The following MRPS28 variants were observed in gnomAD, a reference collection of about 807,000 sequenced individuals.
The protein encoded by MRPS28 is mitochondrial ribosomal protein S28.
In MRPS28, 7 loss-of-function variants were observed where a neutral mutation model predicts 10.8. The ratio of observed to expected loss-of-function variants is 0.65; its 90% CI spans 0.37 to 1.22. The LOEUF (loss-of-function observed/expected upper bound fraction) is 1.22, where lower values mean the gene tolerates loss of function less well. Among genes scored for constraint, MRPS28 ranks in the 50% most tolerant of loss-of-function variants. The probability of loss-of-function intolerance (pLI) is 0.02; values close to 1 mark genes in which losing one functional copy is unlikely to be tolerated. For synonymous variants in MRPS28, 121 were observed against 93.3 expected (o/e 1.30, Z -1.71); for missense variants, 265 against 232.9 (o/e 1.14, Z -0.90).
At chr8:79,938,745 G>C (rs961760174) in intron 2 of MRPS28, among the ~76,000 whole-genome samples, 1 of 152,126 alleles carries the variant, frequency 6.6e-6, no homozygotes, top group Non-Finnish European at 1.5e-5. Context: ...CTGTCAAAAA[G>C]CTACCTTAGA....
In MRPS28 at chr8:79,966,066, T is replaced by TTC. The variant is rs1434566164; in HGVS notation, c.395+36931_395+36932dup. On this transcript the variant is annotated intron_variant, in intron 2 of 2. Coordinates refer to ENST00000276585, the MANE Select transcript of MRPS28 (RefSeq NM_014018.3). ...TTAGAATGACTAAATTGACCAAAGGTTCTCCTAAAAAGAAAGAAACATAAT... is the reference window on the plus strand; with the variant it reads ...TTAGAATGACTAAATTGACCAAAGGTTCTCTCCTAAAAAGAAAGAAACATAAT... Among the ~76,000 whole-genome samples the TTC allele has an allele frequency of 4.6e-5, 7 of 151,992 alleles. No homozygotes were observed. The East Asian group carries it at 1.3e-3, about 29-fold the overall frequency.
Position 79,947,888 on chromosome 8 carries a change from C to T in MRPS28, c.396-28740G>A, listed in dbSNP as rs547667172. 2.7e-3 allele frequency among the ~76,000 whole-genome samples: 410 copies of T among 151,502 alleles called. 7 individuals carry two copies. The highest frequency in any genetic ancestry group is 9.1e-3 in the African/African-American group (376 of 41,414). On this transcript the variant is annotated intron_variant, in intron 2 of 2. Coordinates refer to ENST00000276585, the MANE Select transcript of MRPS28 (RefSeq NM_014018.3). Reference sequence around the variant, plus strand: ...TCCTGACCTCGTGATCCGCCTGCCTCGGCCTCCCAAAGTGCTGGGATTACA... The same window carrying T: ...TCCTGACCTCGTGATCCGCCTGCCTTGGCCTCCCAAAGTGCTGGGATTACA...
chr8:80,006,780 T>C (rs1808862000), intron 1 of MRPS28, among the ~76,000 whole-genome samples: 1 of 152,170 alleles, frequency 6.6e-6, no homozygotes, highest in African/African-American at 2.4e-5. Context: ...CAATAATTAA[T>C]AGCCTACCAA....
intron 1 of MRPS28, among the ~76,000 whole-genome samples, chr8:80,014,385 T>C (rs577892542): frequency 9.8e-5 from 15 of 152,356 alleles, no homozygotes; most frequent in Admixed American, 2.6e-4. Flanking sequence ...CAGTAACTTA[T>C]ACTGTTTCTA....
intron 2 of MRPS28, among the ~76,000 whole-genome samples, chr8:79,929,946 CA>C (rs751849983): frequency 4.6e-5 from 7 of 152,194 alleles, no homozygotes; most frequent in South Asian, 4.1e-4. Context: ...AGCAGTCAGC[CA>C]AACAGTCAGA....
intron 2 of MRPS28, chr8:79,958,420 C>T (rs1328982912): frequency 2.2e-5 from 15 of 690,316 alleles, no homozygotes; most frequent in Non-Finnish European, 3.9e-5. Flanking sequence ...AAACAGCATA[C>T]CACGAAATGG....
intron 2 of MRPS28, among the ~76,000 whole-genome samples, chr8:79,919,876 C>T (rs952024559): frequency 1.3e-5 from 2 of 151,914 alleles, no homozygotes; most frequent in Admixed American, 6.6e-5. Context: ...TATACATGTG[C>T]CATGTTGGTG....
At chr8:79,960,822 C>A (rs940031995) in intron 2 of MRPS28, among the ~76,000 whole-genome samples, 1 of 152,004 alleles carries the variant, frequency 6.6e-6, no homozygotes, top group Non-Finnish European at 1.5e-5. Context: ...TTCCCAGAGC[C>A]GCTGCTGTTC....
chr8:79,987,104 C>T (rs940305645), intron 2 of MRPS28, among the ~76,000 whole-genome samples: 66 of 152,020 alleles, frequency 4.3e-4, no homozygotes, highest in Non-Finnish European at 7.1e-4. Flanking sequence ...CAGAACAGAG[C>T]CCTCAGAAAT....
intron 1 of MRPS28, among the ~76,000 whole-genome samples, chr8:80,004,994 C>T (rs1326972936): frequency 6.6e-6 from 1 of 152,116 alleles, no homozygotes; most frequent in Non-Finnish European, 1.5e-5. Context: ...TGTGAAAAGA[C>T]CAAATCTACG....
At chr8:79,946,295 T>C (rs1211620864) in intron 2 of MRPS28, among the ~76,000 whole-genome samples, 1 of 152,134 alleles carries the variant, frequency 6.6e-6, no homozygotes, top group Non-Finnish European at 1.5e-5. Flanking sequence ...ATCCATCTGA[T>C]AATCAGTACT....
intron 2 of MRPS28, among the ~76,000 whole-genome samples, chr8:79,943,587 T>C (rs1018731674): frequency 1.3e-5 from 2 of 152,200 alleles, no homozygotes; most frequent in Admixed American, 6.5e-5. Context: ...TTAAACAGTG[T>C]TATAATGTTT....
chr8:80,026,509 C>G (rs986114992), intron 1 of MRPS28, among the ~76,000 whole-genome samples: 4 of 152,300 alleles, frequency 2.6e-5, no homozygotes, highest in African/African-American at 9.6e-5. Context: ...ATATGCACTA[C>G]ATGTACTATT....
chr8:80,011,141 A>T (rs6473195), intron 1 of MRPS28, among the ~76,000 whole-genome samples: 106,788 of 148,008 alleles, frequency 0.72, 38,503 homozygotes, highest in East Asian at 0.85. Flanking sequence ...TTTTATTTTT[A>T]TTTTTTTTTG....
At chr8:79,928,453 ATAT>A (rs971515110) in intron 2 of MRPS28, among the ~76,000 whole-genome samples, 1 of 151,596 alleles carries the variant, frequency 6.6e-6, no homozygotes, top group African/African-American at 2.4e-5. Flanking sequence ...ATATATATAT[ATAT>A]TTTTTGAGAC....
chr8:79,934,159 A>C (rs1394163884), intron 2 of MRPS28, among the ~76,000 whole-genome samples: 4 of 152,216 alleles, frequency 2.6e-5, no homozygotes, highest in Admixed American at 6.5e-5. Flanking sequence ...TGTGAGAATT[A>C]GGAGCAGTGT....
At chr8:79,950,555 T>A (rs1275109210) in intron 2 of MRPS28, among the ~76,000 whole-genome samples, 2 of 151,972 alleles carry the variant, frequency 1.3e-5, no homozygotes, top group African/African-American at 4.8e-5. Context: ...AACACACACA[T>A]ATACACACAC....
intron 2 of MRPS28, chr8:79,958,296 T>A: frequency 1.5e-6 from 1 of 665,162 alleles, no homozygotes; most frequent in South Asian, 1.6e-5. Flanking sequence ...TCATTTGGCA[T>A]AATGTTTTCA....
chr8:80,011,534 A>G (rs2130196565), intron 1 of MRPS28, among the ~76,000 whole-genome samples: 1 of 152,138 alleles, frequency 6.6e-6, no homozygotes, highest in South Asian at 2.1e-4. Context: ...TGGGTGGATC[A>G]CTTGAAGTCA....
Sources: gnomAD v4.1 joint callset for allele counts (sites outside exome capture counted in the v4.1 genomes callset) on GRCh38, gnomAD v4.1.1 for gene constraint, MANE v1.5 for transcripts, NCBI Gene and HGNC (gene_info 2026-07-23, HGNC 2026-07-21) for gene names.